CDH12: variants seen among roughly 807,000 people sequenced by gnomAD.
CDH12 encodes the protein cadherin-12.
Under a neutral mutation model 74.1 loss-of-function variants are expected in CDH12, and 41 were observed. That is an observed-to-expected ratio of 0.55 (90% CI 0.43 to 0.72). The LOEUF is 0.72. Ranked by LOEUF, CDH12 falls within the 30% of genes least tolerant of loss-of-function variation. CDH12 has a pLI of 0.00. For missense variants in CDH12, 945 were observed against 977.2 expected, an observed-to-expected ratio of 0.97 and a Z score of 0.44; for synonymous variants, 399 against 355.0, an observed-to-expected ratio of 1.12 and a Z score of -1.39.
chr5:21,802,939 T>C (rs542514656), intron 9 of CDH12, among the ~76,000 whole-genome samples: 1 of 152,256 alleles, frequency 6.6e-6, no homozygotes, highest in Admixed American at 6.5e-5. Flanking sequence ...GTAAAGATCA[T>C]CAGTTGCCTA....
chr5:22,489,103 G>C (rs1746741110), intron 2 of CDH12, among the ~76,000 whole-genome samples: 1 of 71,404 alleles, frequency 1.4e-5, no homozygotes, highest in African/African-American at 6.1e-5. Flanking sequence ...TGTTGCCCAG[G>C]CTGGAGTGCA....
At chr5:22,174,308 A>G (rs923170154) in intron 4 of CDH12, among the ~76,000 whole-genome samples, 2 of 151,954 alleles carry the variant, frequency 1.3e-5, no homozygotes, top group African/African-American at 4.8e-5. Context: ...AAATACTTCA[A>G]AAATAAAACT....
intron 1 of CDH12, among the ~76,000 whole-genome samples, chr5:22,629,152 G>A (rs1005550348): frequency 6.6e-6 from 1 of 151,988 alleles, no homozygotes; most frequent in African/African-American, 2.4e-5. Context: ...TGGATGCACA[G>A]CCAGGTTATT....
At chr5:22,039,978 G>A (rs535170227) in intron 5 of CDH12, among the ~76,000 whole-genome samples, 17 of 150,694 alleles carry the variant, frequency 1.1e-4, no homozygotes, top group African/African-American at 3.2e-4. Flanking sequence ...GTAATAGGCC[G>A]CAAAGAAAAG....
At chr5:21,857,949 C>G (rs1177831734) in intron 6 of CDH12, among the ~76,000 whole-genome samples, 1 of 151,512 alleles carries the variant, frequency 6.6e-6, no homozygotes, top group Non-Finnish European at 1.5e-5. Context: ...TGTGCTCAGA[C>G]AGAGAGAGGG....
At chr5:22,500,920 A>AT (rs137998465) in intron 2 of CDH12, among the ~76,000 whole-genome samples, 66 of 150,110 alleles carry the variant, frequency 4.4e-4, no homozygotes, top group East Asian at 3.3e-3. Context: ...CTGCAGTATA[A>AT]TTTTTTTTTT....
chr5:22,297,125 G>A (rs1351876863), intron 3 of CDH12, among the ~76,000 whole-genome samples: 1 of 151,954 alleles, frequency 6.6e-6, no homozygotes, highest in Non-Finnish European at 1.5e-5. Flanking sequence ...GGGTTCAAGC[G>A]ATTCTCTTGC....
chr5:22,450,807 G>C (rs1369380423), intron 2 of CDH12, among the ~76,000 whole-genome samples: 1 of 151,062 alleles, frequency 6.6e-6, no homozygotes, highest in East Asian at 1.9e-4. Flanking sequence ...CTAAAGATCT[G>C]CTTACCACAA....
At chr5:22,525,227 G>T (rs1006831282) in intron 1 of CDH12, among the ~76,000 whole-genome samples, 1 of 152,092 alleles carries the variant, frequency 6.6e-6, no homozygotes, top group East Asian at 1.9e-4. Context: ...CATTTGGGTT[G>T]GTTCCAAGTC....
At chr5:22,515,808 C>A (rs1736785751) in intron 1 of CDH12, among the ~76,000 whole-genome samples, 1 of 151,900 alleles carries the variant, frequency 6.6e-6, no homozygotes, top group African/African-American at 2.4e-5. Context: ...ACTGTTGATA[C>A]AAAATATAGT....
chr5:22,582,129 T>A (rs1248069559), intron 1 of CDH12, among the ~76,000 whole-genome samples: 2 of 152,170 alleles, frequency 1.3e-5, no homozygotes, highest in African/African-American at 4.8e-5. Context: ...TCCTGTATAA[T>A]CCTCCTGTTG....
At chr5:21,987,462 A>G (rs1412453602) in intron 5 of CDH12, among the ~76,000 whole-genome samples, 1 of 152,172 alleles carries the variant, frequency 6.6e-6, no homozygotes, top group Non-Finnish European at 1.5e-5. Context: ...CTTTCTCAAG[A>G]GAGAACAAGA....
At chr5:22,250,276 G>T (rs931980563) in intron 3 of CDH12, among the ~76,000 whole-genome samples, 1 of 152,094 alleles carries the variant, frequency 6.6e-6, no homozygotes, top group Admixed American at 6.6e-5. Context: ...TTCTTGTCAT[G>T]AATCTACAAA....
intron 2 of CDH12, among the ~76,000 whole-genome samples, chr5:22,415,605 G>A (rs2126482772): frequency 6.6e-6 from 1 of 152,294 alleles, no homozygotes; most frequent in South Asian, 2.1e-4. Flanking sequence ...AAAAACAAAT[G>A]GCCCAGGTAC....
chr5:22,635,641 C>T (rs925261301), intron 1 of CDH12, among the ~76,000 whole-genome samples: 5 of 152,092 alleles, frequency 3.3e-5, no homozygotes, highest in Admixed American at 1.3e-4. Context: ...CCAGTCTGGG[C>T]GCGGTGGCTC....
chr5:22,674,187 C>T (rs1196374401), intron 1 of CDH12, among the ~76,000 whole-genome samples: 4 of 152,166 alleles, frequency 2.6e-5, no homozygotes, highest in Non-Finnish European at 5.9e-5. Context: ...TTGGCTATGC[C>T]TCCACCCAAA....
rs1263537460 is a variant in CDH12 at position 21,817,011 on chromosome 5, A to T, written c.936T>A (p.Asp312Glu). ...AEIEYNIVPG[D>E]GGNLFDIVTD... ...TGACGATGTCAAACAAATTTCCCCC[A>T]TCTCCTGGAACAATATTGTATTCAA... The change falls in exon 9 of 15, where the codon GAT becomes GAA. Residue 312 changes from aspartate to glutamate, a missense_variant. This residue lies in a region of CDH12 where 791 missense variants were observed against 792.8 expected (regional missense o/e 1.00). Transcript: ENST00000382254. 2 of 1,612,650 alleles carry T rather than the reference A, an allele frequency of 1.2e-6. No individual in the cohort carries two copies.
chr5:22,380,865 C>T (rs561470196), intron 3 of CDH12, among the ~76,000 whole-genome samples: 3 of 152,138 alleles, frequency 2.0e-5, no homozygotes, highest in East Asian at 3.9e-4. Flanking sequence ...ATGCTTATAA[C>T]ATAAAAATCC....
At chr5:21,798,333 G>A (rs572016584) in intron 10 of CDH12, among the ~76,000 whole-genome samples, 15 of 152,012 alleles carry the variant, frequency 9.9e-5, no homozygotes, top group Middle Eastern at 3.4e-3. Context: ...TTAACTGGAA[G>A]TGAATCATGT....
Sources: allele counts gnomAD v4.1 joint callset (sites outside exome capture counted in the v4.1 genomes callset), GRCh38; gene constraint gnomAD v4.1.1; regional missense constraint gnomAD v4.1.1; transcripts MANE v1.5; gene names NCBI Gene and HGNC (gene_info 2026-07-23, HGNC 2026-07-21).